Variants in RARB observed in about 807,000 individuals in gnomAD.
RARB encodes the protein HBV-activated protein.
A neutral mutation model predicts 51.9 loss-of-function variants in RARB; 17 were observed. The ratio of observed to expected loss-of-function variants is 0.33; its 90% confidence interval spans 0.22 to 0.49. The LOEUF is 0.49. Ranked by LOEUF, RARB falls within the 20% of genes least tolerant of loss-of-function variation. The pLI, the probability that RARB is intolerant of heterozygous loss-of-function variation, is 0.99. For missense variants in RARB, 369 were observed against 550.8 expected, an observed-to-expected ratio of 0.67 and a Z score of 3.30; for synonymous variants, 215 against 195.4, an observed-to-expected ratio of 1.10 and a Z score of -0.84.
chr3:24,925,552 G>A (rs1464559283), intron 2 of RARB, among the ~76,000 whole-genome samples: 2 of 150,714 alleles, frequency 1.3e-5, no homozygotes, highest in East Asian at 3.9e-4. Flanking sequence ...TGAGGTGGGA[G>A]CAATTCTTGA....
chr3:25,154,114 A>C (rs1428893081), intron 4 of RARB, among the ~76,000 whole-genome samples: 1 of 152,226 alleles, frequency 6.6e-6, no homozygotes, highest in Non-Finnish European at 1.5e-5. Flanking sequence ...GAAGCCAGCT[A>C]TGTTGTGTTA....
chr3:25,596,137 C>T (rs1701815668), intron 7 of RARB, among the ~76,000 whole-genome samples: 1 of 152,194 alleles, frequency 6.6e-6, no homozygotes, highest in African/African-American at 2.4e-5. Context: ...TGAGTCTGAG[C>T]TGGTTGAGAA....
At chr3:25,065,534 G>A (rs1049820708) in intron 3 of RARB, among the ~76,000 whole-genome samples, 2 of 152,208 alleles carry the variant, frequency 1.3e-5, no homozygotes, top group Non-Finnish European at 2.9e-5. Context: ...ACATATTCTA[G>A]TAAAGTCTTC....
intron 3 of RARB, among the ~76,000 whole-genome samples, chr3:25,530,933 C>A (rs1415568725): frequency 6.6e-6 from 1 of 152,260 alleles, no homozygotes; most frequent in African/African-American, 2.4e-5. Flanking sequence ...TATGGACTTA[C>A]GTTTTAACTT....
intron 2 of RARB, among the ~76,000 whole-genome samples, chr3:25,485,059 C>G (rs1483132241): frequency 1.3e-5 from 2 of 152,192 alleles, no homozygotes; most frequent in African/African-American, 4.8e-5. Context: ...AAAACACTCT[C>G]TTTGCCTCCA....
intron 3 of RARB, among the ~76,000 whole-genome samples, chr3:25,529,620 T>C (rs1475430199): frequency 1.3e-5 from 2 of 152,140 alleles, no homozygotes; most frequent in Non-Finnish European, 2.9e-5. Flanking sequence ...GAAAACATGA[T>C]ATGCTTTGTC....
chr3:25,418,274 G>A (rs1376373689), intron 5 of RARB, among the ~76,000 whole-genome samples: 1 of 152,084 alleles, frequency 6.6e-6, no homozygotes, highest in Non-Finnish European at 1.5e-5. Context: ...GTAGAAAGAG[G>A]TAAAAATATA....
In RARB at chr3:24,963,716, G is replaced by A. The variant is rs182091406; in HGVS notation, c.-379-96409G>A. ...GCAGTGTGGGCCGAGCATCTCTGCC[G>A]GAGTATATAGTTCATGCTTTCAGTC... On this transcript the variant is annotated intron_variant, in intron 2 of 11. Transcript: ENST00000383772. Among the ~76,000 whole-genome samples the A allele has an allele frequency of 2.2e-3, 328 of 151,848 alleles. 1 individual carries two copies. Among genetic ancestry groups the A allele is most frequent in the African/African-American group, 7.4e-3 (306 of 41,404 alleles).
intron 2 of RARB, among the ~76,000 whole-genome samples, chr3:24,943,820 A>T (rs1315862279): frequency 6.6e-6 from 1 of 152,192 alleles, no homozygotes; most frequent in African/African-American, 2.4e-5. Flanking sequence ...TGCATTTGAA[A>T]ACTTAGCATT....
chr3:25,178,504 T>C (rs1195803742), intron 5 of RARB, among the ~76,000 whole-genome samples: 4 of 152,006 alleles, frequency 2.6e-5, no homozygotes, highest in Admixed American at 2.6e-4. Context: ...CCAGTTAATG[T>C]TGGAGTCAAA....
intron 3 of RARB, among the ~76,000 whole-genome samples, chr3:25,516,673 C>G (rs893124570): frequency 1.4e-5 from 2 of 146,204 alleles, no homozygotes; most frequent in Non-Finnish European, 2.9e-5. Context: ...GTCGTCCAGG[C>G]TGGAGTGCAG....
intron 2 of RARB, among the ~76,000 whole-genome samples, chr3:24,867,972 T>G (rs1284845998): frequency 6.6e-6 from 1 of 152,126 alleles, no homozygotes; most frequent in Non-Finnish European, 1.5e-5. Context: ...CAGATGCCCA[T>G]ATTGAAGTGA....
At chr3:25,500,457 T>TTG in intron 2 of RARB, among the ~76,000 whole-genome samples, 2 of 64,314 alleles carry the variant, frequency 3.1e-5, no homozygotes, top group African/African-American at 8.9e-5. Flanking sequence ...TTTTCTTGTT[T>TTG]TTTTTTTTTT....
At chr3:24,931,527 A>G (rs1352555100) in intron 2 of RARB, among the ~76,000 whole-genome samples, 1 of 152,044 alleles carries the variant, frequency 6.6e-6, no homozygotes, top group East Asian at 1.9e-4. Context: ...TAGATTCATC[A>G]AGACCAGATT....
chr3:24,937,457 C>G (rs1695569513), intron 2 of RARB, among the ~76,000 whole-genome samples: 1 of 152,112 alleles, frequency 6.6e-6, no homozygotes, highest in African/African-American at 2.4e-5. Context: ...CTACCCTCTC[C>G]CAGCAACGCT....
intron 2 of RARB, among the ~76,000 whole-genome samples, chr3:25,053,595 A>C (rs188358319): frequency 6.6e-6 from 1 of 152,304 alleles, no homozygotes; most frequent in Non-Finnish European, 1.5e-5. Context: ...TGTGGAGGAA[A>C]ACAGTTACAA....
chr3:25,336,380 C>T (rs1444305029), intron 5 of RARB, among the ~76,000 whole-genome samples: 1 of 152,076 alleles, frequency 6.6e-6, no homozygotes, highest in Non-Finnish European at 1.5e-5. Context: ...TTACTATTTT[C>T]TAATATTTTA....
intron 5 of RARB, among the ~76,000 whole-genome samples, chr3:25,355,417 T>C (rs2125460037): frequency 6.6e-6 from 1 of 152,242 alleles, no homozygotes; most frequent in Middle Eastern, 3.4e-3. Context: ...GGAATCCTTG[T>C]ATTTTAACCC....
In RARB at chr3:24,830,021, G is replaced by A. The variant is rs543087555; in HGVS notation, c.-459+618G>A. Among the ~76,000 whole-genome samples the A allele has an allele frequency of 1.3e-4, 20 of 152,296 alleles. 1 individual carries two copies. In the South Asian group the frequency reaches 3.9e-3, roughly 30 times the overall value. On this transcript the variant is annotated intron_variant, in intron 1 of 11. Coordinates refer to the RARB transcript ENST00000383772. Reference sequence around the variant, plus strand: ...TGAGCATTGGCTGGGCCTAGGGAGCGGGTAGCGCCAGGCTGCACATGGCAG... The same window carrying A: ...TGAGCATTGGCTGGGCCTAGGGAGCAGGTAGCGCCAGGCTGCACATGGCAG...
Sources: gnomAD v4.1 joint callset for allele counts (sites outside exome capture counted in the v4.1 genomes callset) on GRCh38, gnomAD v4.1.1 for gene constraint, MANE v1.5 for transcripts, NCBI Gene and HGNC (gene_info 2026-07-23, HGNC 2026-07-21) for gene names.